The following PCDHA7 variants were observed in gnomAD, a reference collection of about 807,000 sequenced individuals.
PCDHA7 encodes protocadherin alpha 7.
Under a neutral mutation model 57.2 loss-of-function variants are expected in PCDHA7, and 37 were observed. The observed-to-expected ratio is 0.65, with a 90% CI of 0.50 to 0.85. PCDHA7 has a LOEUF of 0.85. Among genes scored for constraint, PCDHA7 ranks in the 40% least tolerant of loss-of-function variants. The probability of loss-of-function intolerance (pLI) is 0.00; values close to 1 mark genes in which losing one functional copy is unlikely to be tolerated. For missense variants in PCDHA7, 1,188 were observed against 1,241.8 expected (o/e 0.96, Z 0.65); for synonymous variants, 553 against 558.8 (o/e 0.99, Z 0.15).
At chr5:140,844,643 T>C (rs1405874201) in intron 1 of PCDHA7, among the ~76,000 whole-genome samples, 1 of 149,602 alleles carries the variant, frequency 6.7e-6, no homozygotes, top group Non-Finnish European at 1.5e-5. Context: ...CATGATAATT[T>C]CATTCTTGCA....
At chr5:140,990,858 T>C (rs1243458417) in intron 3 of PCDHA7, among the ~76,000 whole-genome samples, 2 of 152,172 alleles carry the variant, frequency 1.3e-5, no homozygotes, top group African/African-American at 2.4e-5. Flanking sequence ...CCTGAGGACA[T>C]TGTATTTTAA....
At chr5:140,859,558 A>G (rs1554152480) in intron 1 of PCDHA7, 1 of 177,480 alleles carries the variant, frequency 5.6e-6, no homozygotes, top group African/African-American at 2.4e-5. Flanking sequence ...CCAAACACCA[A>G]TGCCATGAAT....
At chr5:140,856,541 G>GCATT in intron 1 of PCDHA7, 4 of 1,598,164 alleles carry the variant, frequency 2.5e-6, no homozygotes, top group Non-Finnish European at 3.4e-6. Flanking sequence ...TGGAGAGAAC[G>GCATT]CATTGCTTAC....
chr5:140,915,517 G>T (rs982535213), intron 1 of PCDHA7, among the ~76,000 whole-genome samples: 17 of 152,066 alleles, frequency 1.1e-4, no homozygotes, highest in African/African-American at 4.1e-4. Flanking sequence ...TTGCAGACTA[G>T]TAGAGGTACC....
intron 1 of PCDHA7, chr5:140,863,282 A>T (rs782183211): frequency 6.8e-7 from 1 of 1,461,396 alleles, no homozygotes; most frequent in East Asian, 3.4e-5. Context: ...GTGGATGTCA[A>T]CGTGTACCTG....
At chr5:140,923,376 A>T (rs1331786466) in intron 1 of PCDHA7, among the ~76,000 whole-genome samples, 5 of 152,086 alleles carry the variant, frequency 3.3e-5, no homozygotes, top group Non-Finnish European at 7.3e-5. Flanking sequence ...ATATTTTTAA[A>T]AATTAGTTGG....
chr5:140,961,028 C>T (rs889602727), intron 1 of PCDHA7, among the ~76,000 whole-genome samples: 2 of 152,146 alleles, frequency 1.3e-5, no homozygotes, highest in African/African-American at 4.8e-5. Context: ...TTGCTACCTC[C>T]TTGTTTTGAG....
chr5:141,004,351 G>T (rs547017222), intron 3 of PCDHA7, among the ~76,000 whole-genome samples: 1 of 152,332 alleles, frequency 6.6e-6, no homozygotes, highest in African/African-American at 2.4e-5. Flanking sequence ...TGAGGGACTG[G>T]AGAGACCACA....
At chr5:140,976,888 A>C (rs1050816491) in intron 1 of PCDHA7, among the ~76,000 whole-genome samples, 1 of 152,218 alleles carries the variant, frequency 6.6e-6, no homozygotes, top group Non-Finnish European at 1.5e-5. Context: ...ATTAGGATAC[A>C]TGCAACAGTA....
chr5:140,941,828 A>T (rs2093176954), intron 1 of PCDHA7, among the ~76,000 whole-genome samples: 1 of 152,218 alleles, frequency 6.6e-6, no homozygotes, highest in Non-Finnish European at 1.5e-5. Flanking sequence ...TGCTGTAAAT[A>T]ATTTAGGCTG....
intron 1 of PCDHA7, chr5:140,841,417 C>T (rs1242106171): frequency 1.2e-6 from 2 of 1,612,932 alleles, no homozygotes; most frequent in African/African-American, 1.3e-5. Flanking sequence ...GCCAGCTCCA[C>T]TACTCCGTCC....
intron 1 of PCDHA7, 66 bp from the exon 2 acceptor site, chr5:140,978,883 T>C: frequency 6.2e-7 from 1 of 1,611,182 alleles, no homozygotes; most frequent in Non-Finnish European, 8.5e-7. Flanking sequence ...ACTAATCAAT[T>C]AGCAGCATTC....
intron 1 of PCDHA7, chr5:140,871,449 G>A: frequency 6.2e-7 from 1 of 1,608,762 alleles, no homozygotes; most frequent in Non-Finnish European, 8.5e-7. Context: ...TGAATAAAGA[G>A]GAGGAAGGGG....
At chr5:140,894,469 C>T (rs183471525) in intron 1 of PCDHA7, among the ~76,000 whole-genome samples, 8 of 151,852 alleles carry the variant, frequency 5.3e-5, no homozygotes, top group Admixed American at 5.2e-4. Context: ...ACTTTTTATT[C>T]TTGTTTTCAT....
At chr5:140,966,416 A>T in intron 1 of PCDHA7, 1 of 419,730 alleles carries the variant, frequency 2.4e-6, no homozygotes, top group Non-Finnish European at 4.1e-6. Context: ...TCAGAGCAGG[A>T]CTTGCTGAGC....
intron 1 of PCDHA7, among the ~76,000 whole-genome samples, chr5:140,912,581 T>C (rs2075985656): frequency 6.6e-6 from 1 of 152,178 alleles, no homozygotes; most frequent in Admixed American, 6.5e-5. Flanking sequence ...CTTTTCCAAT[T>C]TGGATGCCCT....
chr5:140,871,280 C>A, intron 1 of PCDHA7: 1 of 1,613,916 alleles, frequency 6.2e-7, no homozygotes, highest in Non-Finnish European at 8.5e-7. Context: ...TCGGCAACGC[C>A]CACTGAGGGC....
chr5:140,883,207 G>T (rs781883209), intron 1 of PCDHA7: 12 of 1,613,794 alleles, frequency 7.4e-6, no homozygotes, highest in East Asian at 2.2e-5. Context: ...TCGAAGAAAA[G>T]AAATTATATG....
intron 1 of PCDHA7, chr5:140,857,801 G>A: frequency 6.3e-7 from 1 of 1,597,726 alleles, no homozygotes; most frequent in Non-Finnish European, 8.6e-7. Flanking sequence ...GCGGTCGGTG[G>A]TTGCGGGTCA....
Sources: allele counts gnomAD v4.1 joint callset (sites outside exome capture counted in the v4.1 genomes callset), GRCh38; gene constraint gnomAD v4.1.1; transcripts MANE v1.5; gene names NCBI Gene and HGNC (gene_info 2026-07-23, HGNC 2026-07-21).